The following ATG5 variants were observed in gnomAD, a reference collection of about 807,000 sequenced individuals.
ATG5 encodes autophagy protein 5.
A neutral mutation model predicts 36.5 loss-of-function variants in ATG5; 14 were observed. The observed-to-expected ratio is 0.38, with a 90% CI of 0.25 to 0.60. ATG5 has a LOEUF of 0.60. Among genes scored for constraint, ATG5 ranks in the 20% least tolerant of loss-of-function variants. ATG5 has a pLI of 0.60. For missense variants in ATG5, 195 were observed against 326.7 expected (o/e 0.60, Z 3.11); for synonymous variants, 95 against 101.5 (o/e 0.94, Z 0.38).
At chr6:106,249,903 T>G (rs1043449067) in intron 5 of ATG5, among the ~76,000 whole-genome samples, 3 of 152,258 alleles carry the variant, frequency 2.0e-5, no homozygotes, top group Non-Finnish European at 4.4e-5. Flanking sequence ...TTGTGCATCT[T>G]TGCAGAAATG....
chr6:106,264,657 A>G lies in ATG5; in HGVS notation c.478+15004T>C, dbSNP rs576029186. ...CAGCGGATCTCTCTGCAGAAACCCTACAAGCCAGAAGACAGTGGGAGCCAA... is the reference window on the plus strand; with the variant it reads ...CAGCGGATCTCTCTGCAGAAACCCTGCAAGCCAGAAGACAGTGGGAGCCAA... On this transcript the variant is annotated intron_variant, in intron 5 of 7. Coordinates refer to ENST00000369076, the MANE Select transcript of ATG5 (RefSeq NM_004849.4). Among the ~76,000 whole-genome samples, 15 of 152,364 alleles carry G rather than the reference A, an allele frequency of 9.8e-5. No individual in the cohort carries two copies. In the East Asian group the frequency reaches 2.5e-3, roughly 25 times the overall value.
intron 7 of ATG5, among the ~76,000 whole-genome samples, chr6:106,189,795 T>C (rs943146773): frequency 1.3e-5 from 2 of 152,102 alleles, no homozygotes; most frequent in East Asian, 3.8e-4. Context: ...GAAATGTCAC[T>C]ACAAAGAAAA....
At chr6:106,242,656 T>G (rs1262933220) in intron 6 of ATG5, among the ~76,000 whole-genome samples, 2 of 152,124 alleles carry the variant, frequency 1.3e-5, no homozygotes, top group Non-Finnish European at 2.9e-5. Flanking sequence ...GCAACTTACA[T>G]TCACCTGGGA....
chr6:106,259,857 C>T (rs565308048), intron 5 of ATG5, among the ~76,000 whole-genome samples: 2 of 152,240 alleles, frequency 1.3e-5, no homozygotes, highest in East Asian at 3.9e-4. Context: ...AGAGTTGGAA[C>T]CCAAATGTCT....
At chr6:106,200,763 C>A (rs1164690508) in intron 7 of ATG5, among the ~76,000 whole-genome samples, 1 of 152,170 alleles carries the variant, frequency 6.6e-6, no homozygotes, top group African/African-American at 2.4e-5. Context: ...TACGCGTGAG[C>A]CACCACACCC....
chr6:106,208,918 A>T (rs1432491783), intron 6 of ATG5, among the ~76,000 whole-genome samples: 1 of 152,248 alleles, frequency 6.6e-6, no homozygotes, highest in Non-Finnish European at 1.5e-5. Context: ...AAATAAGCAT[A>T]TGAAAACATA....
chr6:106,323,366 GTCAAGTGATCCTCCCC>G (rs1304823007), intron 1 of ATG5, among the ~76,000 whole-genome samples: 1 of 149,930 alleles, frequency 6.7e-6, no homozygotes, highest in Non-Finnish European at 1.5e-5. Flanking sequence ...GCTCAAGGGG[GTCAAGTGATCCTCCCC>G]TCCCATCTCA....
At position 106,229,383 on chromosome 6, in the gene ATG5, AGAGAAAGAGACAGT is replaced by A. The variant is rs1283283629; in HGVS notation, c.573+18753_573+18766del. On this transcript the variant is annotated intron_variant, in intron 6 of 7. Coordinates refer to ENST00000369076, the MANE Select transcript of ATG5 (RefSeq NM_004849.4). ...TAAGAGAGGAAACAGAGAGAGACAG[AGAGAAAGAGACAGT>A]GAGAGACAGACAGAGACAGAGAGAG... 3.9e-5 allele frequency among the ~76,000 whole-genome samples: 6 copies of A among 152,244 alleles called. No homozygotes were observed. The South Asian group carries it at 8.3e-4, about 21-fold the overall frequency.
intron 1 of ATG5, among the ~76,000 whole-genome samples, chr6:106,323,091 T>G (rs980926960): frequency 9.2e-5 from 14 of 151,738 alleles, no homozygotes; most frequent in East Asian, 1.9e-4. Context: ...GGTTTGTTTT[T>G]TTTGTTTGTT....
At chr6:106,192,761 C>G (rs1776015398) in intron 7 of ATG5, among the ~76,000 whole-genome samples, 2 of 152,110 alleles carry the variant, frequency 1.3e-5, no homozygotes, top group African/African-American at 2.4e-5. Context: ...CTGAAAAATA[C>G]TTAATACTGC....
At chr6:106,198,221 T>C (rs73522610) in intron 7 of ATG5, among the ~76,000 whole-genome samples, 13,022 of 152,204 alleles carry the variant, frequency 0.086, 589 homozygotes, top group South Asian at 0.13. Context: ...ATAAAAAGTT[T>C]ACTTAACTAT....
rs544989703 is a variant in ATG5, at chr6:106,190,028, T to C, written c.692-3352A>G. 2.6e-5 allele frequency among the ~76,000 whole-genome samples: 4 copies of C among 152,334 alleles called. No homozygotes were observed. In the South Asian group the frequency reaches 6.2e-4, roughly 24 times the overall value. On this transcript the variant is annotated intron_variant, in intron 7 of 7. Transcript: ENST00000369076. Reference sequence around the variant, plus strand: ...GATATTCTTTTACATAACTACAGTATAGTTATCACAATAAAAAATACTGAT... The same window carrying C: ...GATATTCTTTTACATAACTACAGTACAGTTATCACAATAAAAAATACTGAT...
At chr6:106,294,756 T>C (rs1022561079) in intron 3 of ATG5, among the ~76,000 whole-genome samples, 1 of 148,460 alleles carries the variant, frequency 6.7e-6, no homozygotes, top group Non-Finnish European at 1.5e-5. Flanking sequence ...GGCGGGAGAC[T>C]CTCTTGAGCC....
intron 6 of ATG5, among the ~76,000 whole-genome samples, chr6:106,204,176 T>C (rs772948319): frequency 1.3e-5 from 2 of 152,060 alleles, no homozygotes; most frequent in Admixed American, 6.6e-5. Context: ...TGCATATCTA[T>C]GTAACAAACC....
intron 1 of ATG5, among the ~76,000 whole-genome samples, chr6:106,322,997 G>A (rs745796774): frequency 6.6e-6 from 1 of 151,772 alleles, no homozygotes; most frequent in Non-Finnish European, 1.5e-5. Context: ...TCGGCTCTCT[G>A]CAAGCTCTGC....
intron 4 of ATG5, among the ~76,000 whole-genome samples, chr6:106,285,336 G>A (rs1171049808): frequency 2.6e-5 from 4 of 151,942 alleles, no homozygotes. Flanking sequence ...ATTCTCTTAG[G>A]TCAGTTTCTA....
At chr6:106,313,997 CTG>C (rs1469312612) in intron 2 of ATG5, among the ~76,000 whole-genome samples, 5 of 152,148 alleles carry the variant, frequency 3.3e-5, no homozygotes, top group African/African-American at 1.2e-4. Flanking sequence ...CAAATCATGA[CTG>C]TATAAGAGGT....
intron 5 of ATG5, among the ~76,000 whole-genome samples, chr6:106,250,458 A>G (rs1025069847): frequency 1.3e-5 from 2 of 152,220 alleles, no homozygotes; most frequent in Non-Finnish European, 2.9e-5. Context: ...TTAATTAATA[A>G]CCAAGACCAG....
intron 5 of ATG5, among the ~76,000 whole-genome samples, chr6:106,262,606 G>A (rs950941847): frequency 3.3e-5 from 5 of 152,228 alleles, no homozygotes; most frequent in East Asian, 1.9e-4. Flanking sequence ...AGCTCCCAGC[G>A]AGACAAACAC....
Sources: gnomAD v4.1 joint callset for allele counts (sites outside exome capture counted in the v4.1 genomes callset) on GRCh38, gnomAD v4.1.1 for gene constraint, MANE v1.5 for transcripts, NCBI Gene and HGNC (gene_info 2026-07-23, HGNC 2026-07-21) for gene names.